The following ARHGAP22 variants were observed in gnomAD, a reference collection of about 807,000 sequenced individuals.
ARHGAP22 encodes Rho GTPase activating protein 22, also known as rho GTPase-activating protein 22.
In ARHGAP22, 48 loss-of-function variants were observed where a neutral mutation model predicts 59.1. The observed-to-expected ratio is 0.81, with a 90% CI of 0.64 to 1.03. The LOEUF (loss-of-function observed/expected upper bound fraction) is 1.03. ARHGAP22 is among the 50% of genes least tolerant of loss of function. ARHGAP22 has a pLI of 0.00. For synonymous variants in ARHGAP22, 445 were observed against 416.4 expected, an observed-to-expected ratio of 1.07 and a Z score of -0.84; for missense variants, 1,015 against 958.7, an observed-to-expected ratio of 1.06 and a Z score of -0.78.
chr10:48,502,283 G>A (rs538844574), intron 3 of ARHGAP22, among the ~76,000 whole-genome samples: 8 of 152,154 alleles, frequency 5.3e-5, no homozygotes, highest in African/African-American at 1.2e-4. Flanking sequence ...GCAGTACCTC[G>A]TGGGGGAAGG....
At chr10:48,652,173 C>G in intron 1 of ARHGAP22, 1 of 1,478,752 alleles carries the variant, frequency 6.8e-7, no homozygotes, top group Non-Finnish European at 9.1e-7. Flanking sequence ...CCCCATCCCT[C>G]AAGCAAGAAG....
rs139869074 is a variant in ARHGAP22 at position 48,599,410 on chromosome 10, G to A, written c.34+5353C>T. ...TGTCCCATGAGCTCAACAGTCATTA[G>A]TGTGGTTGTTGCGATTATTAAGCAC... On this transcript the variant is annotated intron_variant, in intron 1 of 9. Coordinates refer to ENST00000249601, the MANE Select transcript of ARHGAP22 (RefSeq NM_021226.4). Among the ~76,000 whole-genome samples, 334 of 152,346 alleles carry A rather than the reference G, an allele frequency of 2.2e-3. 1 individual carries two copies. Among genetic ancestry groups the A allele is most frequent in the African/African-American group, 7.8e-3 (326 of 41,574 alleles).
chr10:48,619,983 A>T (rs781618817), intron 1 of ARHGAP22, among the ~76,000 whole-genome samples: 5 of 152,236 alleles, frequency 3.3e-5, no homozygotes, highest in Non-Finnish European at 7.3e-5. Flanking sequence ...TATACAAGGA[A>T]CTCAAATACC....
intron 3 of ARHGAP22, among the ~76,000 whole-genome samples, chr10:48,511,984 G>C (rs1172826288): frequency 6.6e-6 from 1 of 152,258 alleles, no homozygotes; most frequent in Non-Finnish European, 1.5e-5. Flanking sequence ...AGTGGGCAGG[G>C]AGGAGGCTGC....
At chr10:48,611,874 CT>C (rs2060905951) in intron 1 of ARHGAP22, among the ~76,000 whole-genome samples, 1 of 74,802 alleles carries the variant, frequency 1.3e-5, no homozygotes, top group Admixed American at 1.4e-4. Context: ...CTCCCCTCCC[CT>C]CCCCTCCCCT....
intron 2 of ARHGAP22, among the ~76,000 whole-genome samples, chr10:48,576,932 C>G (rs1218786736): frequency 6.6e-6 from 1 of 151,390 alleles, no homozygotes; most frequent in Non-Finnish European, 1.5e-5. Flanking sequence ...CACCGCCACC[C>G]AACCACACAC....
chr10:48,604,634 T>C, intron 1 of ARHGAP22, 129 bp downstream of exon 1: 1 of 1,439,696 alleles, frequency 6.9e-7, no homozygotes, highest in Non-Finnish European at 9.6e-7. Flanking sequence ...GGATGCTCAC[T>C]ATTCAGCGGC....
At chr10:48,440,373 G>T in the ARHGAP22 span, among the ~76,000 whole-genome samples, 1 of 152,204 alleles carries the variant, frequency 6.6e-6, no homozygotes, top group African/African-American at 2.4e-5. Context: ...TGACATAGAA[G>T]TGTGCCAGAA....
At chr10:48,564,574 A>G (rs1015921) in intron 2 of ARHGAP22, among the ~76,000 whole-genome samples, 50,973 of 152,138 alleles carry the variant, frequency 0.34, 9,677 homozygotes, top group East Asian at 0.89. Context: ...GTTGAAATGG[A>G]AAGCAGTCAG....
chr10:48,528,900 C>T (rs2054575378), intron 3 of ARHGAP22, among the ~76,000 whole-genome samples: 1 of 152,120 alleles, frequency 6.6e-6, no homozygotes, highest in African/African-American at 2.4e-5. Context: ...CTTCCTGAGG[C>T]CTCCCCAGAA....
At chr10:48,444,785 T>C (rs1214871454), downstream of ARHGAP22, 2 of 152,258 alleles carry the variant, frequency 1.3e-5, no homozygotes, top group African/African-American at 4.8e-5. Context: ...TGAATATGGA[T>C]AATAGGGCCA....
chr10:48,506,762 T>C (rs2052177369), intron 3 of ARHGAP22, among the ~76,000 whole-genome samples: 1 of 152,146 alleles, frequency 6.6e-6, no homozygotes, highest in African/African-American at 2.4e-5. Context: ...GTAGCTTATG[T>C]GAATGGTGCC....
At chr10:48,496,702 G>A (rs562970949) in intron 3 of ARHGAP22, among the ~76,000 whole-genome samples, 11 of 152,106 alleles carry the variant, frequency 7.2e-5, no homozygotes, top group Non-Finnish European at 1.3e-4. Flanking sequence ...GAAGACAGCC[G>A]GTAACACTAG....
chr10:48,601,368 C>A (rs966156089), intron 1 of ARHGAP22, among the ~76,000 whole-genome samples: 35 of 152,200 alleles, frequency 2.3e-4, no homozygotes, highest in African/African-American at 8.4e-4. Context: ...AGTCCTGCAG[C>A]CTTGGGGCAA....
At chr10:48,599,686 G>A (rs1029333591) in intron 1 of ARHGAP22, among the ~76,000 whole-genome samples, 7 of 152,210 alleles carry the variant, frequency 4.6e-5, no homozygotes, top group Non-Finnish European at 1.0e-4. Flanking sequence ...TAACTCCACA[G>A]GGTGCCCACT....
intron 2 of ARHGAP22, among the ~76,000 whole-genome samples, chr10:48,579,015 C>A (rs556110003): frequency 3.3e-5 from 5 of 152,080 alleles, no homozygotes; most frequent in Admixed American, 3.3e-4. Flanking sequence ...CTAACCTATT[C>A]ATGTTTATTA....
chr10:48,590,454 G>T (rs2059683895), intron 1 of ARHGAP22, among the ~76,000 whole-genome samples: 1 of 152,164 alleles, frequency 6.6e-6, no homozygotes, highest in Non-Finnish European at 1.5e-5. Context: ...CCTGTAGCAA[G>T]AATGAGGCCT....
At chr10:48,520,249 G>T (rs1015422187) in intron 3 of ARHGAP22, among the ~76,000 whole-genome samples, 1 of 152,220 alleles carries the variant, frequency 6.6e-6, no homozygotes, top group East Asian at 1.9e-4. Flanking sequence ...ACAGTCATCA[G>T]GGCCTTGAGG....
intron 3 of ARHGAP22, among the ~76,000 whole-genome samples, chr10:48,524,416 G>C (rs914011422): frequency 1.3e-4 from 20 of 151,798 alleles, no homozygotes; most frequent in Admixed American, 1.2e-3. Context: ...CCCTCCCCAC[G>C]GCCCGTTACT....
Sources: gnomAD v4.1 joint callset for allele counts (sites outside exome capture counted in the v4.1 genomes callset) on GRCh38, gnomAD v4.1.1 for gene constraint, MANE v1.5 for transcripts, NCBI Gene and HGNC (gene_info 2026-07-23, HGNC 2026-07-21) for gene names.